TMEFF1: variants seen among roughly 807,000 people sequenced by gnomAD.
TMEFF1 encodes tomoregulin-1.
A neutral mutation model predicts 47.5 loss-of-function variants in TMEFF1; 20 were observed. The ratio of observed to expected loss-of-function variants is 0.42; its 90% CI spans 0.30 to 0.61. The LOEUF (loss-of-function observed/expected upper bound fraction) is 0.61, where lower values mean the gene tolerates loss of function less well. TMEFF1 is among the 20% of genes least tolerant of loss of function. The pLI is 0.19. For missense variants in TMEFF1, 411 were observed against 471.1 expected (o/e 0.87, Z 1.18); for synonymous variants, 162 against 166.3 (o/e 0.97, Z 0.20).
At chr9:100,527,758 C>T (rs1170520746) in intron 5 of TMEFF1, among the ~76,000 whole-genome samples, 2 of 152,232 alleles carry the variant, frequency 1.3e-5, no homozygotes, top group African/African-American at 4.8e-5. Flanking sequence ...GGAGGCCTGC[C>T]TGCCTCTGTA....
intron 7 of TMEFF1, 109 bp from the exon 8 acceptor site, chr9:100,561,288 T>G: frequency 6.6e-7 from 1 of 1,504,876 alleles, no homozygotes; most frequent in South Asian, 1.4e-5. Context: ...AAATTGCCAG[T>G]AGGTGGTTGA....
intron 5 of TMEFF1, among the ~76,000 whole-genome samples, chr9:100,531,860 C>G (rs1268479952): frequency 6.6e-6 from 1 of 151,976 alleles, no homozygotes; most frequent in Non-Finnish European, 1.5e-5. Context: ...GCTACAGTAA[C>G]CAAAACAGCA....
At chr9:100,513,194 G>T in intron 3 of TMEFF1, 113 bp from the exon 4 acceptor site, 1 of 1,390,650 alleles carries the variant, frequency 7.2e-7, no homozygotes. Flanking sequence ...TATGAGAAAA[G>T]GACTCTTTGA....
intron 5 of TMEFF1, among the ~76,000 whole-genome samples, chr9:100,532,403 C>G (rs1374599291): frequency 6.6e-6 from 1 of 152,086 alleles, no homozygotes; most frequent in African/African-American, 2.4e-5. Context: ...AAGAAAAAAA[C>G]AACCCCATCA....
At chr9:100,475,907 A>G (rs1030072496) in intron 1 of TMEFF1, among the ~76,000 whole-genome samples, 1 of 151,500 alleles carries the variant, frequency 6.6e-6, no homozygotes. Flanking sequence ...GGTACTATGC[A>G]TTGAAGAGGA....
intron 1 of TMEFF1, among the ~76,000 whole-genome samples, chr9:100,488,910 T>C (rs1157084677): frequency 6.6e-6 from 1 of 152,224 alleles, no homozygotes; most frequent in Non-Finnish European, 1.5e-5. Context: ...CTATTTTTTA[T>C]TGAGATAATT....
chr9:100,544,717 T>C (rs928811359), intron 5 of TMEFF1, among the ~76,000 whole-genome samples: 1 of 152,212 alleles, frequency 6.6e-6, no homozygotes, highest in African/African-American at 2.4e-5. Context: ...CAACATCTCA[T>C]CTGAGACAAG....
chr9:100,542,587 C>A (rs1838654180), intron 5 of TMEFF1, among the ~76,000 whole-genome samples: 2 of 152,180 alleles, frequency 1.3e-5, no homozygotes, highest in Admixed American at 6.5e-5. Context: ...TCACTTTTAG[C>A]TATAAACAAT....
At chr9:100,527,264 C>T (rs1014572093) in intron 5 of TMEFF1, among the ~76,000 whole-genome samples, 10 of 152,232 alleles carry the variant, frequency 6.6e-5, no homozygotes, top group Admixed American at 3.9e-4. Flanking sequence ...GGAACAGCTC[C>T]GGTCTACAGC....
chr9:100,474,033 C>T (rs1234393555), intron 1 of TMEFF1, among the ~76,000 whole-genome samples: 9 of 151,552 alleles, frequency 5.9e-5, no homozygotes, highest in South Asian at 2.1e-4. Flanking sequence ...GCTGAGCGGC[C>T]GGCCGGGGCT....
At chr9:100,522,486 G>A (rs1287791442) in intron 5 of TMEFF1, among the ~76,000 whole-genome samples, 2 of 129,666 alleles carry the variant, frequency 1.5e-5, no homozygotes, top group African/African-American at 2.9e-5. Flanking sequence ...CGCCCAGGCC[G>A]GAGTGGAGTG....
At chr9:100,489,143 A>C (rs1837504462) in intron 1 of TMEFF1, among the ~76,000 whole-genome samples, 1 of 152,190 alleles carries the variant, frequency 6.6e-6, no homozygotes, top group African/African-American at 2.4e-5. Flanking sequence ...TGGATATTTC[A>C]TATAAATGGA....
At chr9:100,531,124 A>G (rs1838368439) in intron 5 of TMEFF1, among the ~76,000 whole-genome samples, 1 of 152,176 alleles carries the variant, frequency 6.6e-6, no homozygotes, top group Admixed American at 6.5e-5. Context: ...ACCCACAGCC[A>G]ATATCATACT....
chr9:100,506,771 A>C (rs1837872256), intron 2 of TMEFF1, among the ~76,000 whole-genome samples: 1 of 151,154 alleles, frequency 6.6e-6, no homozygotes, highest in Admixed American at 6.6e-5. Context: ...CATCTCAAAA[A>C]AAAAAAAAAA....
intron 1 of TMEFF1, among the ~76,000 whole-genome samples, chr9:100,492,131 G>A (rs1332750282): frequency 2.0e-5 from 3 of 152,072 alleles, no homozygotes; most frequent in African/African-American, 7.2e-5. Flanking sequence ...TGATCTGCCC[G>A]CCTTGGCCTC....
intron 3 of TMEFF1, among the ~76,000 whole-genome samples, chr9:100,512,972 CTCTTA>C (rs1837995796): frequency 2.6e-5 from 4 of 151,954 alleles, no homozygotes; most frequent in African/African-American, 9.6e-5. Context: ...CTAAAATTTT[CTCTTA>C]TCTTTTAAAT....
intron 8 of TMEFF1, among the ~76,000 whole-genome samples, chr9:100,570,373 CTG>C (rs1004091336): frequency 6.6e-6 from 1 of 151,992 alleles, no homozygotes; most frequent in African/African-American, 2.4e-5. Context: ...TCCATAATAA[CTG>C]TATCTTATGT....
At chr9:100,532,710 C>G (rs972014036) in intron 5 of TMEFF1, among the ~76,000 whole-genome samples, 1 of 151,360 alleles carries the variant, frequency 6.6e-6, no homozygotes, top group Non-Finnish European at 1.5e-5. Context: ...ACTGGAAATA[C>G]CATTTGACCC....
intron 1 of TMEFF1, among the ~76,000 whole-genome samples, chr9:100,485,287 A>G (rs1470136326): frequency 6.6e-6 from 1 of 152,170 alleles, no homozygotes. Flanking sequence ...TTTTGTGTAA[A>G]TACATTGTTT....
Sources: allele counts gnomAD v4.1 joint callset (sites outside exome capture counted in the v4.1 genomes callset), GRCh38; gene constraint gnomAD v4.1.1; transcripts MANE v1.5; gene names NCBI Gene and HGNC (gene_info 2026-07-23, HGNC 2026-07-21).